The following ANO2 variants were observed in gnomAD, a reference collection of about 807,000 sequenced individuals.
ANO2 encodes the protein anoctamin-2.
Under a neutral mutation model 124.2 loss-of-function variants are expected in ANO2, and 101 were observed. The observed-to-expected ratio is 0.81, with a 90% CI of 0.69 to 0.96. ANO2 has a LOEUF of 0.96. ANO2 is among the 40% of genes least tolerant of loss of function. ANO2 has a pLI of 0.00. For synonymous variants in ANO2, 486 were observed against 482.5 expected, an observed-to-expected ratio of 1.01 and a Z score of -0.09; for missense variants, 1,293 against 1,274.5, an observed-to-expected ratio of 1.01 and a Z score of -0.22.
chr12:5,715,587 G>C (rs911862254), intron 14 of ANO2, among the ~76,000 whole-genome samples: 2 of 152,208 alleles, frequency 1.3e-5, no homozygotes, highest in African/African-American at 4.8e-5. Flanking sequence ...AAGAGCAACA[G>C]CCTCCTGCTG....
rs952257869 is a variant in ANO2, at chr12:5,652,831, T to C, written c.1546-5030A>G. Reference sequence around the variant, plus strand: ...CCTTGATCTCCTGGTGGAGATCATATCTGTCAGATTTTTCTATTGCAAAGT... The same window carrying C: ...CCTTGATCTCCTGGTGGAGATCATACCTGTCAGATTTTTCTATTGCAAAGT... On this transcript the variant is annotated intron_variant, in intron 14 of 24. Coordinates refer to ENST00000682330, the MANE Select transcript of ANO2 (RefSeq NM_001364791.2). Among the ~76,000 whole-genome samples the C allele has an allele frequency of 5.9e-5, 9 of 152,254 alleles. No homozygotes were observed. In the South Asian group the frequency reaches 1.7e-3, roughly 28 times the overall value.
intron 23 of ANO2, among the ~76,000 whole-genome samples, chr12:5,567,593 T>C (rs1419339447): frequency 2.0e-5 from 3 of 152,244 alleles, no homozygotes; most frequent in Admixed American, 6.5e-5. Flanking sequence ...TCTTGTTCTC[T>C]AGCTGCATCT....
chr12:5,808,875 C>G (rs1953290380), intron 7 of ANO2, among the ~76,000 whole-genome samples: 1 of 152,168 alleles, frequency 6.6e-6, no homozygotes, highest in Non-Finnish European at 1.5e-5. Flanking sequence ...ACCTCGCCCC[C>G]ATTTGCCACA....
chr12:5,574,711 C>T (rs940216820), intron 23 of ANO2, among the ~76,000 whole-genome samples: 5 of 152,312 alleles, frequency 3.3e-5, no homozygotes, highest in South Asian at 2.1e-4. Flanking sequence ...AGCCCAGCTG[C>T]GCTCCCTGGG....
At chr12:5,602,609 G>A (rs1943996222) in intron 19 of ANO2, among the ~76,000 whole-genome samples, 2 of 152,042 alleles carry the variant, frequency 1.3e-5, no homozygotes, top group African/African-American at 4.8e-5. Context: ...GGGGAAGAAA[G>A]TGCAAAAGAA....
At chr12:5,621,737 G>A (rs1945128355) in intron 16 of ANO2, among the ~76,000 whole-genome samples, 1 of 152,080 alleles carries the variant, frequency 6.6e-6, no homozygotes, top group Non-Finnish European at 1.5e-5. Context: ...TGAGCATGGG[G>A]AAGGAGCAGA....
intron 23 of ANO2, among the ~76,000 whole-genome samples, chr12:5,569,867 G>A (rs1303495178): frequency 6.6e-6 from 1 of 152,166 alleles, no homozygotes; most frequent in Non-Finnish European, 1.5e-5. Context: ...AACAGCTGGG[G>A]TGGGGGCTGA....
intron 7 of ANO2, among the ~76,000 whole-genome samples, chr12:5,810,389 T>TA (rs1278591961): frequency 2.0e-5 from 3 of 152,198 alleles, no homozygotes; most frequent in Admixed American, 1.3e-4. Flanking sequence ...CAAACGTTTT[T>TA]AAAAAAGAGT....
intron 5 of ANO2, among the ~76,000 whole-genome samples, chr12:5,831,710 A>G (rs1202941288): frequency 6.6e-6 from 1 of 152,196 alleles, no homozygotes; most frequent in Non-Finnish European, 1.5e-5. Context: ...TATGGACAGC[A>G]GAAACACTGC....
In ANO2 at chr12:5,732,552, A is replaced by G. The variant is rs752390079; in HGVS notation, c.1513T>C (p.Leu505=). ...KESNQSAVQK[L]ETNTTECGDE... ...CCACACTCCGTCGTGTTTGTTTCCA[A>G]TTTCTGGACAGCAGACTGGTTGCTC... The change falls in exon 14 of 25, where the codon TTG becomes CTG. Residue 505 remains leucine, a synonymous_variant. Transcript: ENST00000682330. The G allele has an allele frequency of 1.2e-6, 2 of 1,613,798 alleles. No homozygotes were observed. The highest frequency in any genetic ancestry group is 2.2e-5 in the South Asian group (2 of 91,036).
chr12:5,718,899 T>A (rs1158569696), intron 14 of ANO2, among the ~76,000 whole-genome samples: 4 of 152,216 alleles, frequency 2.6e-5, no homozygotes, highest in Non-Finnish European at 2.9e-5. Context: ...ATGGTTCCAG[T>A]TCCCACTAGA....
chr12:5,787,817 T>C lies in ANO2; in HGVS notation c.1055+11690A>G, dbSNP rs113249134. 6.6e-5 allele frequency among the ~76,000 whole-genome samples: 10 copies of C among 152,320 alleles called. No individual in the cohort carries two copies. Among genetic ancestry groups the C allele is most frequent in the African/African-American group, 2.4e-4 (10 of 41,574 alleles). ...ACTTCTGTCCTCCTCTCTAGTCATC[T>C]CTGTCACACTTCCGGTTAACTATGC... is the stretch of plus-strand genomic sequence containing the variant. On this transcript the variant is annotated intron_variant, in intron 10 of 24. Coordinates refer to ENST00000682330, the MANE Select transcript of ANO2 (RefSeq NM_001364791.2). The surrounding 1 kb of genome is among the most constrained non-coding windows in gnomAD (Gnocchi z 4.2).
At chr12:5,575,713 G>T in intron 23 of ANO2, 121 bp downstream of exon 23, 1 of 1,088,700 alleles carries the variant, frequency 9.2e-7, no homozygotes, top group Non-Finnish European at 1.3e-6. Flanking sequence ...CCATATATGT[G>T]GTCTGCTGTT....
intron 3 of ANO2, among the ~76,000 whole-genome samples, chr12:5,913,873 G>A (rs139354075): frequency 2.0e-5 from 3 of 152,326 alleles, no homozygotes; most frequent in South Asian, 2.1e-4. Context: ...AAGTCACCCC[G>A]ACCTCTTCCT....
At chr12:5,843,186 A>T (rs1407076456) in intron 4 of ANO2, among the ~76,000 whole-genome samples, 1 of 152,222 alleles carries the variant, frequency 6.6e-6, no homozygotes, top group African/African-American at 2.4e-5. Context: ...CTGTCCAGAA[A>T]GTCATGTTGA....
At chr12:5,664,300 T>TA (rs1433322139) in intron 14 of ANO2, among the ~76,000 whole-genome samples, 1 of 151,872 alleles carries the variant, frequency 6.6e-6, no homozygotes, top group African/African-American at 2.4e-5. Context: ...TCCATCATTC[T>TA]ACCCATCTAT....
At position 5,862,217 on chromosome 12, in the gene ANO2, G is replaced by A. The variant is rs1327694411; in HGVS notation, c.535-8076C>T. Among the ~76,000 whole-genome samples, 1 of 152,132 alleles carries A rather than the reference G, an allele frequency of 6.6e-6. No individual in the cohort carries two copies. Among genetic ancestry groups the A allele is most frequent in the Non-Finnish European group, 1.5e-5 (1 of 68,040 alleles). On this transcript the variant is annotated intron_variant, in intron 3 of 24. Coordinates refer to ENST00000682330, the MANE Select transcript of ANO2 (RefSeq NM_001364791.2). The surrounding 1 kb of genome is among the most constrained non-coding windows in gnomAD (Gnocchi z 4.0). ...GGAATCTCCTCTCCAACCCTGTCCT[G>A]CATAGGCCAAGGTGAAGGTGGCCAA...
At chr12:5,896,616 CTG>C (rs1432973319) in intron 3 of ANO2, among the ~76,000 whole-genome samples, 1 of 152,092 alleles carries the variant, frequency 6.6e-6, no homozygotes, top group Admixed American at 6.5e-5. Flanking sequence ...GTAACTAACA[CTG>C]TGTAGAGATA....
rs182294997 is a variant in ANO2 at position 5,841,599 on chromosome 12, T to G, written c.634-8996A>C. Among the ~76,000 whole-genome samples, 31 of 152,300 alleles carry G rather than the reference T, an allele frequency of 2.0e-4. No individual in the cohort carries two copies. The East Asian group carries it at 4.8e-3, about 24-fold the overall frequency. On this transcript the variant is annotated intron_variant, in intron 4 of 24. Transcript: ENST00000682330. ...TCGGCAGCCTCAGCCCCTGCCCCTC[T>G]CTCTGAGCTGCTCCCACCCTGGCTC...
Sources: allele counts gnomAD v4.1 joint callset (sites outside exome capture counted in the v4.1 genomes callset), GRCh38; gene constraint gnomAD v4.1.1; non-coding constraint Gnocchi (gnomAD v3.1); transcripts MANE v1.5; gene names NCBI Gene and HGNC (gene_info 2026-07-23, HGNC 2026-07-21).